Variants in CASP6 observed in about 807,000 individuals in gnomAD.
CASP6 encodes caspase-6.
CASP6 carries 20 observed loss-of-function variants against 31.8 expected under a neutral mutation model. That is an observed-to-expected ratio of 0.63 (90% CI 0.44 to 0.91). CASP6 has a LOEUF of 0.91. CASP6 is among the 40% of genes least tolerant of loss of function. The pLI is 0.00. For missense variants in CASP6, 328 were observed against 361.1 expected (o/e 0.91, Z 0.74); for synonymous variants, 130 against 127.8 (o/e 1.02, Z -0.12).
chr4:109,669,518 G>A, the CASP6 span, among the ~76,000 whole-genome samples: 1 of 151,868 alleles, frequency 6.6e-6, no homozygotes, highest in Admixed American at 6.6e-5. Flanking sequence ...CATTTGTTCT[G>A]CTTGTGTTCT....
chr4:109,693,759 GAC>G (rs1234902404), intron 5 of CASP6, among the ~76,000 whole-genome samples: 1 of 140,312 alleles, frequency 7.1e-6, no homozygotes, highest in Non-Finnish European at 1.5e-5. Flanking sequence ...TTTTTTTTTA[GAC>G]AGAGTCTCGC....
upstream of CASP6, among the ~76,000 whole-genome samples, chr4:109,704,522 G>A (rs1461076587): frequency 6.6e-6 from 1 of 152,180 alleles, no homozygotes; most frequent in Non-Finnish European, 1.5e-5. Flanking sequence ...CAATTCTATG[G>A]AGGCTGAGAG....
rs757322733 is a variant in CASP6, at chr4:109,689,223, C to T, written c.*107G>A. 66 of 1,010,536 alleles carry T rather than the reference C, an allele frequency of 6.5e-5. No individual in the cohort carries two copies. Among genetic ancestry groups the T allele is most frequent in the East Asian group, 3.1e-4 (13 of 41,612 alleles). The allele number at this position is 1,010,536 out of a possible 1,614,324, so 62.6% of individuals were successfully genotyped here. A position where few individuals can be genotyped will look rare whatever the true frequency, so the allele number is the denominator to read the frequency against. On this transcript the variant is annotated 3_prime_UTR_variant, in exon 7 of 7. Transcript: ENST00000265164. ...CTCGAACTCCCGACCTCAGGTGATC[C>T]GCCCACCTTGGACTCCCAAAGTGCT... is the stretch of plus-strand genomic sequence containing the variant.
rs142244915 is a variant in CASP6 at position 109,697,726 on chromosome 4, C to T, written c.126G>A (p.Arg42=). 7.5e-5 allele frequency: 121 copies of T among 1,613,858 alleles called. No individual in the cohort carries two copies. The highest frequency in any genetic ancestry group is 9.8e-5 in the Non-Finnish European group (116 of 1,179,966). Residue 42 remains arginine, a synonymous_variant, in exon 3 of 7, where the codon AGG becomes AGA. Coordinates refer to ENST00000265164, the MANE Select transcript of CASP6 (RefSeq NM_001226.4). ...TGAAGATTAAAGCAATTCCTCTCCT[C>T]CTGTGGTCCATTTTGTACTTTTCTG... The part of the protein sequence containing the change: ...DPAEKYKMDH[R]RRGIALIFNH...
chr4:109,709,496 G>T, the CASP6 span, among the ~76,000 whole-genome samples: 1 of 152,134 alleles, frequency 6.6e-6, no homozygotes, highest in Non-Finnish European at 1.5e-5. Context: ...ATTGAAACTG[G>T]TTTGCCCTCA....
At chr4:109,694,796 T>C in intron 4 of CASP6, 96 bp from the exon 5 acceptor site, 1 of 1,190,218 alleles carries the variant, frequency 8.4e-7, no homozygotes, top group Non-Finnish European at 1.1e-6. Flanking sequence ...TAAAGTTACA[T>C]CCACATGATT....
the CASP6 span, among the ~76,000 whole-genome samples, chr4:109,666,921 C>A: frequency 6.6e-6 from 1 of 152,148 alleles, no homozygotes; most frequent in Non-Finnish European, 1.5e-5. Context: ...TTGAGCCTTG[C>A]ATACCTGGAT....
chr4:109,681,417 C>G, the CASP6 span: 1 of 450,776 alleles, frequency 2.2e-6, no homozygotes, highest in Non-Finnish European at 4.5e-6. Context: ...GGCGATCTAC[C>G]TTTGTTCTTT....
At chr4:109,708,232 C>T (rs76871142), upstream of CASP6, among the ~76,000 whole-genome samples, 9,881 of 152,190 alleles carry the variant, frequency 0.065, 445 homozygotes, top group East Asian at 0.21. Context: ...TCATTGTATG[C>T]ATAAAATATT....
chr4:109,666,346 G>A, the CASP6 span, among the ~76,000 whole-genome samples: 1 of 152,192 alleles, frequency 6.6e-6, no homozygotes, highest in Non-Finnish European at 1.5e-5. Flanking sequence ...CATATGGTGA[G>A]AGTGTTTAGT....
intron 1 of CASP6, among the ~76,000 whole-genome samples, chr4:109,702,096 G>T (rs1579114577): frequency 1.3e-5 from 2 of 152,140 alleles, no homozygotes. Context: ...TGGGGAGTGC[G>T]GTGGAGGAAG....
At chr4:109,683,109 A>G in the CASP6 span, 2 of 156,678 alleles carry the variant, frequency 1.3e-5, no homozygotes, top group Admixed American at 1.3e-4. Flanking sequence ...TTTTTAGAGA[A>G]TAGGCCCAGA....
At chr4:109,708,434 T>C (rs1192803352), upstream of CASP6, among the ~76,000 whole-genome samples, 2 of 152,248 alleles carry the variant, frequency 1.3e-5, no homozygotes, top group Non-Finnish European at 2.9e-5. Flanking sequence ...AGTGGCATTT[T>C]TTGGTTTCCT....
chr4:109,668,155 T>C, the CASP6 span, among the ~76,000 whole-genome samples: 7 of 152,162 alleles, frequency 4.6e-5, no homozygotes, highest in Non-Finnish European at 1.0e-4. Flanking sequence ...CTCAGTTGAT[T>C]GGTGGTGCTA....
the CASP6 span, among the ~76,000 whole-genome samples, chr4:109,682,324 CTTT>C: frequency 5.4e-5 from 8 of 147,322 alleles, no homozygotes; most frequent in Middle Eastern, 0.011. Flanking sequence ...TTTTTGGTGA[CTTT>C]TTTTTTTTTT....
the CASP6 span, among the ~76,000 whole-genome samples, chr4:109,670,382 C>G: frequency 2.0e-5 from 3 of 151,910 alleles, no homozygotes; most frequent in African/African-American, 7.3e-5. Context: ...ATCGGTTAGG[C>G]TCTGGGAAAA....
At chr4:109,666,305 G>T in the CASP6 span, among the ~76,000 whole-genome samples, 23 of 152,172 alleles carry the variant, frequency 1.5e-4, no homozygotes, top group Non-Finnish European at 2.6e-4. Context: ...CAAATCATTT[G>T]GTTAAATACC....
chr4:109,691,038 C>T, intron 5 of CASP6, 29 bp from the exon 6 acceptor site: 2 of 1,590,164 alleles, frequency 1.3e-6, no homozygotes, highest in African/African-American at 1.3e-5. Flanking sequence ...AAACCCACCT[C>T]TTTGCCTACT....
At chr4:109,705,172 C>T (rs150907485), upstream of CASP6, among the ~76,000 whole-genome samples, 785 of 152,304 alleles carry the variant, frequency 5.2e-3, 38 homozygotes, top group East Asian at 0.069. Context: ...GCCAACATTC[C>T]TTTACCATTC....
Sources: gnomAD v4.1 joint callset for allele counts (sites outside exome capture counted in the v4.1 genomes callset) on GRCh38, gnomAD v4.1.1 for gene constraint, MANE v1.5 for transcripts, NCBI Gene and HGNC (gene_info 2026-07-23, HGNC 2026-07-21) for gene names.